The following COL15A1 variants were observed in gnomAD, a reference collection of about 807,000 sequenced individuals.
The protein encoded by COL15A1 is collagen type XV alpha 1 chain.
Under a neutral mutation model 165.9 loss-of-function variants are expected in COL15A1, and 111 were observed. That is an observed-to-expected ratio of 0.67 (90% confidence interval 0.57 to 0.78). The LOEUF (loss-of-function observed/expected upper bound fraction) is 0.78. COL15A1 is among the 30% of genes least tolerant of loss of function. The probability of loss-of-function intolerance (pLI) is 0.00; values close to 1 mark genes in which losing one functional copy is unlikely to be tolerated. For missense variants in COL15A1, 1,745 were observed against 1,789.7 expected (o/e 0.98, Z 0.45); for synonymous variants, 659 against 674.8 (o/e 0.98, Z 0.36).
chr9:98,946,705 T>A (rs2118736828), intron 2 of COL15A1, among the ~76,000 whole-genome samples: 1 of 152,366 alleles, frequency 6.6e-6, no homozygotes, highest in African/African-American at 2.4e-5. Flanking sequence ...TTCATAGCAC[T>A]ATGAACCAGC....
At chr9:98,950,146 A>T (rs1212640021) in intron 2 of COL15A1, among the ~76,000 whole-genome samples, 1 of 152,142 alleles carries the variant, frequency 6.6e-6, no homozygotes, top group African/African-American at 2.4e-5. Context: ...TGCTGCTCTG[A>T]ACATTTGCAT....
At chr9:98,979,800 A>C (rs1838204757) in intron 2 of COL15A1, among the ~76,000 whole-genome samples, 3 of 152,166 alleles carry the variant, frequency 2.0e-5, no homozygotes, top group Non-Finnish European at 2.9e-5. Flanking sequence ...TTGAGAATCA[A>C]ATCTGAGTTC....
At chr9:98,958,096 A>G (rs1837807924) in intron 2 of COL15A1, among the ~76,000 whole-genome samples, 1 of 152,252 alleles carries the variant, frequency 6.6e-6, no homozygotes, top group Non-Finnish European at 1.5e-5. Context: ...GCCGGAGGCA[A>G]CTATGGCAAC....
chr9:99,024,198 A>G (rs1338130295), intron 14 of COL15A1, among the ~76,000 whole-genome samples: 2 of 151,918 alleles, frequency 1.3e-5, no homozygotes, highest in African/African-American at 4.8e-5. Context: ...GGATCAGCCA[A>G]CCCAGCAATG....
chr9:99,048,025 G>A lies in COL15A1; in HGVS notation c.2793+25G>A, dbSNP rs576464331. 138 of 1,347,382 alleles carry A rather than the reference G, an allele frequency of 1.0e-4. 2 individuals are homozygous for A. In the South Asian group the frequency reaches 1.4e-3, roughly 14 times the overall value. The allele number at this position is 1,347,382 out of a possible 1,614,324, so 83.5% of individuals were successfully genotyped here. On this transcript the variant is annotated intron_variant, in intron 28 of 41. Transcript: ENST00000375001. ...GGTGAGTCACCCTGGGGATGGAGCC[G>A]GAGGTTGGTGTCCAGAGAGGGTGAG...
intron 9 of COL15A1, among the ~76,000 whole-genome samples, chr9:99,007,789 A>T (rs1232331300): frequency 6.6e-6 from 1 of 152,214 alleles, no homozygotes; most frequent in Non-Finnish European, 1.5e-5. Context: ...GCTTAATTTT[A>T]GTGATTTCAA....
intron 2 of COL15A1, among the ~76,000 whole-genome samples, chr9:98,950,207 G>A (rs187352432): frequency 6.6e-6 from 1 of 152,278 alleles, no homozygotes; most frequent in Admixed American, 6.5e-5. Context: ...GCACCTAGGA[G>A]CAGAATTTCT....
At position 99,035,108 on chromosome 9, in the gene COL15A1, C is replaced by A. The variant is rs1839277076; in HGVS notation, c.2174C>A (p.Pro725His). ...GVMGPPGPPG[P>H]PGPPGPGCTM... ...ATGGGACCCCCAGGGCCTCCTGGAC[C>A]CCCTGGGCCCCCAGGCCCTGGATGC... is the stretch of plus-strand genomic sequence containing the variant. Residue 725 changes from proline to histidine, a missense_variant, in exon 18 of 42, where the codon CCC becomes CAC. Pro to His is a moderately conservative substitution (Grantham distance 77, BLOSUM62 -2). Coordinates refer to ENST00000375001, the MANE Select transcript of COL15A1 (RefSeq NM_001855.5). The A allele has an allele frequency of 1.8e-5, 29 of 1,602,738 alleles. No homozygotes were observed. Among genetic ancestry groups the A allele is most frequent in the Non-Finnish European group, 2.4e-5 (28 of 1,173,462 alleles).
chr9:99,058,709 C>G (rs1399215914), intron 35 of COL15A1, among the ~76,000 whole-genome samples: 1 of 152,216 alleles, frequency 6.6e-6, no homozygotes, highest in East Asian at 1.9e-4. Flanking sequence ...TAAAATTCAT[C>G]TCACGGATGA....
intron 13 of COL15A1, 49 bp from the exon 14 acceptor site, chr9:99,023,308 T>A (rs1839058458): frequency 6.4e-7 from 1 of 1,556,354 alleles, no homozygotes; most frequent in Non-Finnish European, 8.7e-7. Context: ...TGGCTGTCCT[T>A]GGAGTCTGGC....
At chr9:99,066,624 T>C (rs993774064) in intron 39 of COL15A1, among the ~76,000 whole-genome samples, 8 of 141,166 alleles carry the variant, frequency 5.7e-5, no homozygotes, top group Admixed American at 1.5e-4. Flanking sequence ...TTTTTTTTTT[T>C]CACCTAAGGA....
chr9:98,965,508 T>G (rs1837941854), intron 2 of COL15A1, among the ~76,000 whole-genome samples: 1 of 152,168 alleles, frequency 6.6e-6, no homozygotes, highest in Admixed American at 6.5e-5. Context: ...TGTTGTGAGA[T>G]TAACATTTCT....
intron 2 of COL15A1, among the ~76,000 whole-genome samples, chr9:98,962,075 G>T (rs1341243965): frequency 6.6e-6 from 1 of 152,214 alleles, no homozygotes; most frequent in East Asian, 1.9e-4. Context: ...GCTTCCTCCC[G>T]TCTATACAAC....
At chr9:99,052,528 C>A in intron 31 of COL15A1, 95 bp downstream of exon 31, 1 of 1,009,888 alleles carries the variant, frequency 9.9e-7, no homozygotes, top group South Asian at 1.3e-5. Flanking sequence ...ACTAGGTGGT[C>A]AGGAAGGTCT....
chr9:98,973,817 T>C (rs541309999), intron 2 of COL15A1, among the ~76,000 whole-genome samples: 2 of 152,218 alleles, frequency 1.3e-5, no homozygotes, highest in East Asian at 3.9e-4. Context: ...GAACCGGCAG[T>C]TAGGGGCGGT....
intron 2 of COL15A1, among the ~76,000 whole-genome samples, chr9:98,956,200 G>A (rs1274815825): frequency 6.6e-6 from 1 of 152,184 alleles, no homozygotes; most frequent in African/African-American, 2.4e-5. Context: ...CAGCTACTTG[G>A]GAGGCTAAGG....
chr9:99,065,811 G>A (rs1388192946), intron 39 of COL15A1, among the ~76,000 whole-genome samples: 1 of 151,538 alleles, frequency 6.6e-6, no homozygotes, highest in African/African-American at 2.4e-5. Flanking sequence ...AGGGCTGCTT[G>A]GGGCCAGTCT....
At chr9:99,016,169 G>A in intron 11 of COL15A1, 50 bp downstream of exon 11, 1 of 1,530,220 alleles carries the variant, frequency 6.5e-7, no homozygotes, top group Non-Finnish European at 8.8e-7. Flanking sequence ...TTACAGGGGA[G>A]AGAAAGAAAG....
In COL15A1 at chr9:99,070,148, G is replaced by A. The variant is rs1368227406; in HGVS notation, c.*262G>A. On this transcript the variant is annotated 3_prime_UTR_variant, in exon 42 of 42. Coordinates refer to ENST00000375001, the MANE Select transcript of COL15A1 (RefSeq NM_001855.5). ...AGCAGTGTGAACGCATCCCAACATA[G>A]GTTAAGAGCAAGTTGAAAACAAAGG... 2 of 370,656 alleles carry A rather than the reference G, an allele frequency of 5.4e-6. No individual in the cohort carries two copies. The highest frequency in any genetic ancestry group is 9.8e-6 in the Non-Finnish European group (2 of 204,464). 23.0% of individuals were successfully genotyped at this position (370,656 alleles called of 1,614,324 possible).
Sources: allele counts gnomAD v4.1 joint callset (sites outside exome capture counted in the v4.1 genomes callset), GRCh38; gene constraint gnomAD v4.1.1; transcripts MANE v1.5; gene names NCBI Gene and HGNC (gene_info 2026-07-23, HGNC 2026-07-21).